The following PEBP4 variants were observed in gnomAD, a reference collection of about 807,000 sequenced individuals.
The protein encoded by PEBP4 is phosphatidylethanolamine-binding protein 4.
PEBP4 carries 22 observed loss-of-function variants against 23.9 expected under a neutral mutation model. That is an observed-to-expected ratio of 0.92 (90% CI 0.66 to 1.31). The LOEUF is 1.31. Among genes scored for constraint, PEBP4 ranks in the 40% most tolerant of loss-of-function variants. The pLI, the probability that PEBP4 is intolerant of heterozygous loss-of-function variation, is 0.00. For missense variants in PEBP4, 324 were observed against 281.7 expected (o/e 1.15, Z -1.07); for synonymous variants, 112 against 99.3 (o/e 1.13, Z -0.76).
At chr8:22,719,594 C>T (rs530169648) in intron 6 of PEBP4, among the ~76,000 whole-genome samples, 21 of 152,290 alleles carry the variant, frequency 1.4e-4, no homozygotes, top group Admixed American at 1.1e-3. Context: ...GTCAGGAGAG[C>T]GGGGATGTAG....
At position 22,861,942 on chromosome 8, in the gene PEBP4, C is replaced by T. The variant is rs373774221; in HGVS notation, c.259-44207G>A. 3.0e-4 allele frequency among the ~76,000 whole-genome samples: 45 copies of T among 152,174 alleles called. 1 individual carries two copies. Among genetic ancestry groups the T allele is most frequent in the East Asian group, 2.7e-3 (14 of 5,168 alleles). On this transcript the variant is annotated intron_variant, in intron 3 of 6. Transcript: ENST00000256404. ...AGTTTGAGCGGCATACTGGTTGGAT[C>T]GGGAGCACGAAGTCATTCTCTCTGT...
chr8:22,801,031 G>T (rs1325163150), intron 4 of PEBP4, among the ~76,000 whole-genome samples: 2 of 152,016 alleles, frequency 1.3e-5, no homozygotes, highest in African/African-American at 4.8e-5. Flanking sequence ...CTCCCCAAGG[G>T]CAGGCTCTTA....
chr8:22,862,236 G>C (rs1156656191), intron 3 of PEBP4, among the ~76,000 whole-genome samples: 3 of 152,048 alleles, frequency 2.0e-5, no homozygotes, highest in Non-Finnish European at 4.4e-5. Context: ...TCAATCTCTG[G>C]ATCTCAGAAA....
intron 3 of PEBP4, among the ~76,000 whole-genome samples, chr8:22,873,174 C>T (rs1292475430): frequency 2.0e-5 from 3 of 152,324 alleles, no homozygotes; most frequent in African/African-American, 7.2e-5. Context: ...ATTGGCGAGA[C>T]TGCACCTGCA....
chr8:22,928,786 T>G (rs979792911), upstream of PEBP4, among the ~76,000 whole-genome samples: 3 of 152,154 alleles, frequency 2.0e-5, no homozygotes, highest in Admixed American at 1.3e-4. Flanking sequence ...ACTTTTCCTT[T>G]TCACAAACAA....
intron 4 of PEBP4, among the ~76,000 whole-genome samples, chr8:22,753,843 G>A (rs778549712): frequency 9.8e-5 from 15 of 152,328 alleles, no homozygotes; most frequent in East Asian, 1.9e-4. Flanking sequence ...GGAAGTGAGC[G>A]CAGATGGGCT....
chr8:22,765,727 A>G (rs907689232), intron 4 of PEBP4, among the ~76,000 whole-genome samples: 1 of 152,256 alleles, frequency 6.6e-6, no homozygotes, highest in African/African-American at 2.4e-5. Context: ...CTAAACAGAT[A>G]TTCGCTCCAC....
At chr8:22,720,655 A>G (rs955924297) in intron 6 of PEBP4, among the ~76,000 whole-genome samples, 4 of 152,234 alleles carry the variant, frequency 2.6e-5, no homozygotes, top group African/African-American at 9.6e-5. Context: ...CAAGCGTCAC[A>G]TAGCTGTCCT....
intron 4 of PEBP4, among the ~76,000 whole-genome samples, chr8:22,754,238 A>G (rs967833432): frequency 1.3e-5 from 2 of 152,130 alleles, no homozygotes; most frequent in Non-Finnish European, 2.9e-5. Context: ...TGGTGCTTCC[A>G]GTATCTTACA....
At chr8:22,721,099 G>A (rs534924366) in intron 6 of PEBP4, among the ~76,000 whole-genome samples, 21 of 152,240 alleles carry the variant, frequency 1.4e-4, no homozygotes, top group Admixed American at 6.5e-4. Flanking sequence ...TCCTGGCCTC[G>A]TGGGGTCTGA....
intron 4 of PEBP4, among the ~76,000 whole-genome samples, chr8:22,785,961 A>G (rs1806018925): frequency 6.6e-6 from 1 of 152,204 alleles, no homozygotes; most frequent in African/African-American, 2.4e-5. Context: ...TCTTTGAACC[A>G]CAGCTTTCTC....
intron 3 of PEBP4, among the ~76,000 whole-genome samples, chr8:22,841,494 C>T (rs976827205): frequency 3.3e-5 from 5 of 152,246 alleles, no homozygotes; most frequent in Non-Finnish European, 7.3e-5. Context: ...GGTCCTTTCT[C>T]TATTCACTTC....
chr8:22,849,035 C>T (rs1807498569), intron 3 of PEBP4, among the ~76,000 whole-genome samples: 1 of 152,172 alleles, frequency 6.6e-6, no homozygotes, highest in South Asian at 2.1e-4. Flanking sequence ...GAGGGCAACC[C>T]CCAGCCTCTG....
chr8:22,840,243 G>A (rs979383851), intron 3 of PEBP4, among the ~76,000 whole-genome samples: 1 of 152,074 alleles, frequency 6.6e-6, no homozygotes, highest in Non-Finnish European at 1.5e-5. Flanking sequence ...ACTGAGCATC[G>A]TGGCCTAGAT....
At chr8:22,917,128 AG>A (rs67211429) in intron 3 of PEBP4, among the ~76,000 whole-genome samples, 56,120 of 108,398 alleles carry the variant, frequency 0.52, 11,181 homozygotes, top group African/African-American at 0.58. Flanking sequence ...GGGGCGGGGG[AG>A]GGGGGGGTGT....
At chr8:22,816,061 G>A (rs1806733711) in intron 4 of PEBP4, among the ~76,000 whole-genome samples, 1 of 152,196 alleles carries the variant, frequency 6.6e-6, no homozygotes, top group African/African-American at 2.4e-5. Flanking sequence ...TGAGACCGCT[G>A]GGGAGGCCTA....
chr8:22,880,120 G>A (rs1474708169), intron 3 of PEBP4, among the ~76,000 whole-genome samples: 1 of 152,214 alleles, frequency 6.6e-6, no homozygotes, highest in Non-Finnish European at 1.5e-5. Context: ...AGCCGCCTGG[G>A]GCTCTGCCCA....
intron 4 of PEBP4, chr8:22,756,138 G>C (rs182639236): frequency 4.6e-5 from 7 of 152,364 alleles, no homozygotes; most frequent in Admixed American, 4.6e-4. Context: ...CATCTTCTGT[G>C]CTCAGGCCAG....
intron 4 of PEBP4, among the ~76,000 whole-genome samples, chr8:22,804,674 T>A (rs779509868): frequency 6.6e-6 from 1 of 152,028 alleles, no homozygotes; most frequent in Non-Finnish European, 1.5e-5. Flanking sequence ...AGATGCATAT[T>A]CACATCCCCT....
Sources: gnomAD v4.1 joint callset for allele counts (sites outside exome capture counted in the v4.1 genomes callset) on GRCh38, gnomAD v4.1.1 for gene constraint, MANE v1.5 for transcripts, NCBI Gene and HGNC (gene_info 2026-07-23, HGNC 2026-07-21) for gene names.